The following PARG variants were observed in gnomAD, a reference collection of about 807,000 sequenced individuals.
PARG encodes poly(ADP-ribose) glycohydrolase, also known as mitochondrial poly(ADP-ribose) glycohydrolase.
In PARG, 35 loss-of-function variants were observed where a neutral mutation model predicts 113.0. The observed-to-expected ratio is 0.31, with a 90% CI of 0.24 to 0.41. The LOEUF is 0.41. Among genes scored for constraint, PARG ranks in the 10% least tolerant of loss-of-function variants. The probability of loss-of-function intolerance (pLI) is 1.00; values close to 1 mark genes in which losing one functional copy is unlikely to be tolerated. For synonymous variants in PARG, 330 were observed against 409.9 expected (o/e 0.81, Z 2.36); for missense variants, 797 against 1,169.4 (o/e 0.68, Z 4.64).
intron 7 of PARG, among the ~76,000 whole-genome samples, chr10:49,901,288 A>C (rs1848336736): frequency 6.6e-6 from 1 of 151,710 alleles, no homozygotes; most frequent in Non-Finnish European, 1.5e-5. Flanking sequence ...TTTTTAAAAA[A>C]ATTTTTGTAG....
At chr10:49,865,158 T>C (rs1410850825) in intron 11 of PARG, among the ~76,000 whole-genome samples, 163 bp downstream of exon 11, 1 of 152,042 alleles carries the variant, frequency 6.6e-6, no homozygotes, top group East Asian at 1.9e-4. Context: ...TTTTCAAACA[T>C]GAGAGCTATC....
chr10:49,932,175 C>A lies in PARG; in HGVS notation c.1380G>T (p.Glu460Asp), dbSNP rs1311173693. The A allele has an allele frequency of 2.5e-6, 4 of 1,605,904 alleles. No homozygotes were observed. Among genetic ancestry groups the A allele is most frequent in the Non-Finnish European group, 3.4e-6 (4 of 1,172,456 alleles). ...TCCCACACCGAGGCATTCTTCTCAT[C>A]TCCTCAATGGGAGTTCCAAGCCACT... is the stretch of plus-strand genomic sequence containing the variant. ...DKKWLGTPIEEMRRMPRCGIR... is the reference protein window; with the variant it reads ...DKKWLGTPIEDMRRMPRCGIR... The change falls in exon 4 of 18, where the codon GAG (glutamate) becomes GAT (aspartate). Residue 460 changes from glutamate to aspartate, a missense_variant. Glu to Asp is a conservative substitution (Grantham distance 45). This residue lies in a region of PARG where 252 missense variants were observed against 437.4 expected (regional missense o/e 0.58). Transcript: ENST00000616448.
chr10:49,842,663 A>G (rs1467009665), intron 14 of PARG, among the ~76,000 whole-genome samples: 1 of 152,254 alleles, frequency 6.6e-6, no homozygotes, highest in Non-Finnish European at 1.5e-5. Context: ...GGTTGAGATG[A>G]TAATTTTGGA....
In PARG at chr10:49,885,256, T is replaced by C. The variant is rs1202619934; in HGVS notation, c.1777A>G (p.Ile593Val). 1.2e-6 allele frequency: 2 copies of C among 1,609,766 alleles called. No individual in the cohort carries two copies. Among genetic ancestry groups the C allele is most frequent in the African/African-American group, 1.3e-5 (1 of 74,824 alleles). The change falls in exon 8 of 18, where the codon ATC becomes GTC. Residue 593 changes from isoleucine to valine, a missense_variant. Coordinates refer to ENST00000616448, the MANE Select transcript of PARG (RefSeq NM_003631.5). Reference sequence around the variant, plus strand: ...GCAATTTTCACCATATCAGGCAAGATGGACTGATATAAATGTTGAGCTTCT... The same window carrying C: ...GCAATTTTCACCATATCAGGCAAGACGGACTGATATAAATGTTGAGCTTCT... ...EAEAQHLYQS[I>V]LPDMVKIALC...
At chr10:49,828,576 TTCTC>T (rs1554829800) in intron 16 of PARG, among the ~76,000 whole-genome samples, 1 of 152,126 alleles carries the variant, frequency 6.6e-6, no homozygotes, top group Non-Finnish European at 1.5e-5. Context: ...CCCTAGTCCC[TTCTC>T]TCCTAGCCTG....
In PARG at chr10:49,922,620, T is replaced by C. The variant is rs1837944677; in HGVS notation, c.1505A>G (p.Tyr502Cys). 1.3e-6 allele frequency: 2 copies of C among 1,595,888 alleles called. No homozygotes were observed. Among genetic ancestry groups the C allele is most frequent in the Non-Finnish European group, 1.7e-6 (2 of 1,170,464 alleles). Residue 502 changes from tyrosine (Y) to cysteine (C), a missense_variant, in exon 5 of 18, where the codon TAT (tyrosine) becomes TGT (cysteine). Transcript: ENST00000616448. ...GEVPKPFPTH[Y>C]KDLWDNKHVK... is the part of the protein sequence containing the mutation. ...ATGCTTGTTATCCCACAAATCTTTA[T>C]AATGTGTTGGAAAAGGTTTAGGAAC...
chr10:49,920,463 A>AAAAAAAATATATAT, intron 6 of PARG, among the ~76,000 whole-genome samples: 1 of 47,988 alleles, frequency 2.1e-5, no homozygotes, highest in African/African-American at 5.0e-5. Flanking sequence ...AAAAAAAAAA[A>AAAAAAAATATATAT]ATATATATAT....
At chr10:49,885,149 G>A in intron 8 of PARG, 54 bp downstream of exon 8, 1 of 953,132 alleles carries the variant, frequency 1.0e-6, no homozygotes, top group African/African-American at 1.6e-5. Flanking sequence ...CGAGTTTAAG[G>A]GAAATTCAAT....
At chr10:49,895,634 G>T (rs186148024) in intron 7 of PARG, among the ~76,000 whole-genome samples, 18 of 152,050 alleles carry the variant, frequency 1.2e-4, no homozygotes, top group African/African-American at 3.9e-4. Context: ...TTGAACTCCT[G>T]TCCTCAAGTG....
Position 49,843,647 on chromosome 10 carries a change from C to G in PARG, c.2354-15G>C. 6.6e-7 allele frequency: 1 copy of G among 1,513,510 alleles called. No individual in the cohort carries two copies. Among genetic ancestry groups the G allele is most frequent in the Non-Finnish European group, 9.0e-7 (1 of 1,112,368 alleles). The allele number at this position is 1,513,510 out of a possible 1,614,324, so 93.8% of individuals were successfully genotyped here. A position where few individuals can be genotyped will look rare whatever the true frequency, so the allele number is the denominator to read the frequency against. On this transcript the variant is annotated splice_polypyrimidine_tract_variant and intron_variant, in intron 13 of 17. Transcript: ENST00000616448. ...CTGCTCAGTACCTGAAACAAACAAT[C>G]TGTCACTATTAACTTCACACTTGAT...
At chr10:49,823,395 C>T (rs1554828999) in intron 16 of PARG, among the ~76,000 whole-genome samples, 2 of 152,024 alleles carry the variant, frequency 1.3e-5, no homozygotes, top group African/African-American at 4.8e-5. Context: ...GAATCTATGA[C>T]ATAATATATG....
intron 6 of PARG, among the ~76,000 whole-genome samples, chr10:49,920,596 A>G (rs5013289): frequency 0.19 from 26,638 of 143,164 alleles, 3,016 homozygotes; most frequent in Non-Finnish European, 0.26. Context: ...ACATATATAC[A>G]TATATACGTA....
At chr10:49,844,748 T>C (rs1554833037) in intron 13 of PARG, among the ~76,000 whole-genome samples, 2 of 151,032 alleles carry the variant, frequency 1.3e-5, no homozygotes, top group African/African-American at 4.9e-5. Context: ...AGACTCCATC[T>C]CAAAACAAAA....
At chr10:49,820,023 C>T in intron 17 of PARG, 142 bp downstream of exon 17, 1 of 617,596 alleles carries the variant, frequency 1.6e-6, no homozygotes, top group Non-Finnish European at 2.9e-6. Flanking sequence ...AATGCTGCCC[C>T]TCTGAGGGTT....
chr10:49,929,771 A>G (rs1336589029), intron 4 of PARG, among the ~76,000 whole-genome samples: 1 of 151,186 alleles, frequency 6.6e-6, no homozygotes, highest in Non-Finnish European at 1.5e-5. Flanking sequence ...AGTTGCCATG[A>G]GCCGAGATCG....
chr10:49,941,804 C>A lies in PARG; in HGVS notation c.-79G>T, dbSNP rs1401674955. 4.6e-6 allele frequency: 7 copies of A among 1,534,972 alleles called. No homozygotes were observed. The highest frequency in any genetic ancestry group is 4.1e-5 in the African/African-American group (3 of 72,948). ...CACTAACCCTGAGAGAGATGGACTG[C>A]GCCTCCTTCTCAGCGCCTGCCTGCA... On this transcript the variant is annotated 5_prime_UTR_variant, in exon 1 of 18. Transcript: ENST00000616448.
At chr10:49,825,304 T>G (rs1554829252) in intron 16 of PARG, among the ~76,000 whole-genome samples, 1 of 152,188 alleles carries the variant, frequency 6.6e-6, no homozygotes, top group South Asian at 2.1e-4. Flanking sequence ...CACTCTCTCT[T>G]CAAGAATGCA....
At chr10:49,884,376 A>G (rs1360505477) in intron 8 of PARG, among the ~76,000 whole-genome samples, 1 of 152,206 alleles carries the variant, frequency 6.6e-6, no homozygotes, top group African/African-American at 2.4e-5. Flanking sequence ...AGGCCAAGGC[A>G]TCATCTGAGG....
At position 49,917,819 on chromosome 10, in the gene PARG, G is replaced by GA. The variant is rs782349676; in HGVS notation, c.1663-1829dup. Among the ~76,000 whole-genome samples the GA allele has an allele frequency of 6.5e-3, 371 of 57,170 alleles. 1 individual carries two copies. The highest frequency in any genetic ancestry group is 0.062 in the East Asian group (129 of 2,076). 37.5% of individuals were successfully genotyped at this position (57,170 alleles called of 152,430 possible). On this transcript the variant is annotated intron_variant, in intron 6 of 17. Coordinates refer to ENST00000616448, the MANE Select transcript of PARG (RefSeq NM_003631.5). ...GGTGACAGGGCAAGATCCTGTCTCA[G>GA]AAAAAAAAAAAAAAGAAAGAAAAAA...
Sources: gnomAD v4.1 joint callset for allele counts (sites outside exome capture counted in the v4.1 genomes callset) on GRCh38, gnomAD v4.1.1 for gene constraint, gnomAD v4.1.1 regional missense constraint, MANE v1.5 for transcripts, NCBI Gene and HGNC (gene_info 2026-07-23, HGNC 2026-07-21) for gene names.